NCAM2: variants seen among roughly 807,000 people sequenced by gnomAD.
NCAM2 encodes neural cell adhesion molecule 2.
NCAM2 carries 30 observed loss-of-function variants against 98.1 expected under a neutral mutation model. The ratio of observed to expected loss-of-function variants is 0.31; its 90% CI spans 0.23 to 0.41. NCAM2 has a LOEUF of 0.41. Among genes scored for constraint, NCAM2 ranks in the 10% least tolerant of loss-of-function variants. NCAM2 has a pLI of 1.00. For missense variants in NCAM2, 867 were observed against 1,005.8 expected (o/e 0.86, Z 1.87); for synonymous variants, 368 against 342.4 (o/e 1.07, Z -0.83).
At chr21:21,536,437 G>A (rs1029304261) in intron 17 of NCAM2, among the ~76,000 whole-genome samples, 2 of 150,346 alleles carry the variant, frequency 1.3e-5, no homozygotes, top group African/African-American at 4.9e-5. Context: ...TGTTGCCCAG[G>A]CTGGAGTGCA....
chr21:21,246,917 T>G (rs542875252), intron 1 of NCAM2, among the ~76,000 whole-genome samples: 489 of 152,276 alleles, frequency 3.2e-3, no homozygotes, highest in Non-Finnish European at 5.6e-3. Context: ...GGCTAGCATG[T>G]GAATTATTGA....
intron 1 of NCAM2, among the ~76,000 whole-genome samples, chr21:21,250,603 AGT>A (rs1481718355): frequency 2.0e-5 from 3 of 152,188 alleles, no homozygotes; most frequent in Non-Finnish European, 4.4e-5. Context: ...TGCAAATCTA[AGT>A]GTGAATGGTT....
At chr21:21,414,422 G>T (rs1447496387) in intron 10 of NCAM2, among the ~76,000 whole-genome samples, 1 of 150,218 alleles carries the variant, frequency 6.7e-6, no homozygotes, top group Admixed American at 6.6e-5. Flanking sequence ...AGGAATCACT[G>T]TTTTATGGCA....
intron 9 of NCAM2, among the ~76,000 whole-genome samples, chr21:21,384,778 A>G (rs563283828): frequency 6.6e-6 from 1 of 152,058 alleles, no homozygotes; most frequent in Non-Finnish European, 1.5e-5. Context: ...ATTGATGAAT[A>G]CTTAAGTAGA....
At chr21:21,173,885 C>G (rs902910377) in intron 1 of NCAM2, among the ~76,000 whole-genome samples, 1 of 152,058 alleles carries the variant, frequency 6.6e-6, no homozygotes, top group Non-Finnish European at 1.5e-5. Flanking sequence ...GTTGCAAGAC[C>G]TAGGATTGGC....
intron 1 of NCAM2, among the ~76,000 whole-genome samples, chr21:21,179,591 T>C (rs548321572): frequency 2.6e-5 from 4 of 152,364 alleles, no homozygotes; most frequent in East Asian, 1.9e-4. Flanking sequence ...TGTCAAGAAG[T>C]CATCCTCGTA....
intron 1 of NCAM2, among the ~76,000 whole-genome samples, chr21:21,228,875 T>C (rs2070501064): frequency 6.6e-6 from 1 of 151,532 alleles, no homozygotes; most frequent in Admixed American, 6.6e-5. Flanking sequence ...TAATACTGGG[T>C]CATAATTGTT....
At chr21:21,280,151 C>G (rs530183062) in intron 1 of NCAM2, among the ~76,000 whole-genome samples, 12 of 139,388 alleles carry the variant, frequency 8.6e-5, no homozygotes, top group Non-Finnish European at 1.6e-4. Flanking sequence ...TAGTAGGTGT[C>G]TACATGTAGT....
chr21:21,061,618 T>G (rs534451667), intron 1 of NCAM2, among the ~76,000 whole-genome samples: 2 of 150,242 alleles, frequency 1.3e-5, no homozygotes, highest in Non-Finnish European at 2.9e-5. Context: ...CCTATTCTTT[T>G]TGAATCTTTT....
At chr21:21,375,608 CCAA>C (rs747238358) in intron 9 of NCAM2, among the ~76,000 whole-genome samples, 23 of 151,652 alleles carry the variant, frequency 1.5e-4, no homozygotes, top group Admixed American at 2.6e-4. Context: ...CTTTTTCAGA[CCAA>C]CAACATCATT....
chr21:21,276,829 G>A (rs920024470), intron 1 of NCAM2, among the ~76,000 whole-genome samples: 1 of 151,804 alleles, frequency 6.6e-6, no homozygotes, highest in Non-Finnish European at 1.5e-5. Flanking sequence ...ATATCATTGT[G>A]CCCATTCACC....
chr21:21,344,781 G>A (rs931804905), intron 8 of NCAM2, among the ~76,000 whole-genome samples: 1 of 152,174 alleles, frequency 6.6e-6, no homozygotes, highest in Non-Finnish European at 1.5e-5. Context: ...CCTTGAGCGA[G>A]CATAGGCAGT....
chr21:21,024,604 C>T (rs555288265), intron 1 of NCAM2, among the ~76,000 whole-genome samples: 7 of 152,232 alleles, frequency 4.6e-5, no homozygotes, highest in South Asian at 2.1e-4. Context: ...GGGCTGGGCG[C>T]GGTGGCTCAT....
intron 1 of NCAM2, among the ~76,000 whole-genome samples, chr21:21,060,263 CAT>C (rs2065294536): frequency 6.6e-6 from 1 of 151,894 alleles, no homozygotes; most frequent in Non-Finnish European, 1.5e-5. Flanking sequence ...ATGATTATAC[CAT>C]ATGTGAAAAT....
At chr21:21,237,112 G>T (rs1462316255) in intron 1 of NCAM2, among the ~76,000 whole-genome samples, 1 of 152,028 alleles carries the variant, frequency 6.6e-6, no homozygotes, top group Non-Finnish European at 1.5e-5. Context: ...TATTTCTGGA[G>T]GCACATGGTT....
At chr21:21,236,704 A>G (rs1568813302) in intron 1 of NCAM2, among the ~76,000 whole-genome samples, 2 of 152,028 alleles carry the variant, frequency 1.3e-5, no homozygotes, top group Non-Finnish European at 2.9e-5. Flanking sequence ...CCATTAGGTA[A>G]CTTCATAGGT....
chr21:21,312,299 AATT>A (rs1407913779), intron 5 of NCAM2, among the ~76,000 whole-genome samples: 1 of 151,638 alleles, frequency 6.6e-6, no homozygotes, highest in Admixed American at 6.6e-5. Flanking sequence ...TGGATAAATT[AATT>A]GAGTATTGAT....
At position 21,542,309 on chromosome 21, in the gene NCAM2, A is replaced by G. The variant is rs1990262848; in HGVS notation, c.*4352A>G. ...ATAGATTAATTATATCTTCTCATAT[A>G]AAGGCAAAGAATTTTATATTATATA... On this transcript the variant is annotated 3_prime_UTR_variant, in exon 18 of 18. Coordinates refer to ENST00000400546, the MANE Select transcript of NCAM2 (RefSeq NM_004540.5). The G allele has an allele frequency of 6.6e-6, 1 of 151,794 alleles. No individual in the cohort carries two copies. The highest frequency in any genetic ancestry group is 2.1e-4 in the South Asian group (1 of 4,824). 9.4% of individuals were successfully genotyped at this position (151,794 alleles called of 1,614,324 possible).
At chr21:21,240,905 T>C (rs1265401322) in intron 1 of NCAM2, among the ~76,000 whole-genome samples, 1 of 152,154 alleles carries the variant, frequency 6.6e-6, no homozygotes, top group Non-Finnish European at 1.5e-5. Flanking sequence ...TTTAGAACAG[T>C]CTTTGGGACA....
Sources: gnomAD v4.1 joint callset for allele counts (sites outside exome capture counted in the v4.1 genomes callset) on GRCh38, gnomAD v4.1.1 for gene constraint, MANE v1.5 for transcripts, NCBI Gene and HGNC (gene_info 2026-07-23, HGNC 2026-07-21) for gene names.